Variants in CDK17 observed in about 807,000 individuals in gnomAD.
CDK17 encodes the protein cyclin dependent kinase 17.
Under a neutral mutation model 77.6 loss-of-function variants are expected in CDK17, and 24 were observed. The observed-to-expected ratio is 0.31, with a 90% CI of 0.22 to 0.44. The LOEUF (loss-of-function observed/expected upper bound fraction) is 0.44, where lower values mean the gene tolerates loss of function less well. Ranked by LOEUF, CDK17 falls within the 20% of genes least tolerant of loss-of-function variation. The pLI, the probability that CDK17 is intolerant of heterozygous loss-of-function variation, is 1.00. For synonymous variants in CDK17, 203 were observed against 210.4 expected, an observed-to-expected ratio of 0.96 and a Z score of 0.30; for missense variants, 429 against 622.5, an observed-to-expected ratio of 0.69 and a Z score of 3.31.
intron 1 of CDK17, among the ~76,000 whole-genome samples, chr12:96,385,263 A>C (rs1259996511): frequency 1.3e-5 from 2 of 152,052 alleles, no homozygotes; most frequent in African/African-American, 4.8e-5. Context: ...GCAGTGGGCC[A>C]AGATTGCGCC....
chr12:96,299,168 T>G (rs909288077), intron 6 of CDK17, among the ~76,000 whole-genome samples, 185 bp from the exon 7 acceptor site: 1 of 152,176 alleles, frequency 6.6e-6, no homozygotes, highest in East Asian at 1.9e-4. Flanking sequence ...TCAGTTCATA[T>G]GCACAGCTTC....
At chr12:96,293,404 T>C (rs1049168922) in intron 10 of CDK17, among the ~76,000 whole-genome samples, 1 of 152,188 alleles carries the variant, frequency 6.6e-6, no homozygotes, top group African/African-American at 2.4e-5. Flanking sequence ...TGTCGTGATA[T>C]GTTGCTTTGA....
At chr12:96,385,940 C>A (rs1953965720) in intron 1 of CDK17, among the ~76,000 whole-genome samples, 1 of 152,036 alleles carries the variant, frequency 6.6e-6, no homozygotes, top group Non-Finnish European at 1.5e-5. Context: ...ACTGCCAACT[C>A]CCGGTAAAAC....
At chr12:96,331,166 C>T (rs1176043596) in intron 2 of CDK17, among the ~76,000 whole-genome samples, 1 of 152,178 alleles carries the variant, frequency 6.6e-6, no homozygotes, top group Non-Finnish European at 1.5e-5. Flanking sequence ...TAGTCTAGAA[C>T]TCCTTACCTC....
chr12:96,326,745 C>A (rs914413346), intron 2 of CDK17, among the ~76,000 whole-genome samples: 1 of 152,156 alleles, frequency 6.6e-6, no homozygotes, highest in Admixed American at 6.5e-5. Context: ...AGGGATCACA[C>A]TTTGAGAACC....
In CDK17 at chr12:96,323,201, G is replaced by A. The variant is rs561168598; in HGVS notation, c.283+747C>T. ...TAATCCCAGCCCTCTGGGAGGCTGA[G>A]GCAAGTGGATCACTTGAGTCCAGGA... On this transcript the variant is annotated intron_variant, in intron 3 of 16. Transcript: ENST00000261211. Among the ~76,000 whole-genome samples the A allele has an allele frequency of 5.9e-5, 9 of 151,936 alleles. 1 individual carries two copies. The South Asian group carries it at 6.2e-4, about 11-fold the overall frequency.
chr12:96,312,155 T>C (rs1282196772), intron 4 of CDK17, among the ~76,000 whole-genome samples: 1 of 152,126 alleles, frequency 6.6e-6, no homozygotes, highest in Non-Finnish European at 1.5e-5. Flanking sequence ...GGTGTGTGCC[T>C]GTAGTCCCAG....
At chr12:96,294,731 T>G (rs1250438870) in intron 10 of CDK17, among the ~76,000 whole-genome samples, 1 of 151,988 alleles carries the variant, frequency 6.6e-6, no homozygotes, top group African/African-American at 2.4e-5. Flanking sequence ...TTTGGTAATA[T>G]ATTTACATTT....
At chr12:96,338,698 T>C (rs2137149913) in intron 1 of CDK17, among the ~76,000 whole-genome samples, 1 of 152,158 alleles carries the variant, frequency 6.6e-6, no homozygotes, top group South Asian at 2.1e-4. Flanking sequence ...GCCCTCAACA[T>C]GTTATTAATA....
chr12:96,297,354 C>T (rs779854161), intron 8 of CDK17, 22 bp from the exon 9 acceptor site: 3 of 1,485,164 alleles, frequency 2.0e-6, no homozygotes. Flanking sequence ...CAGCACTCTG[C>T]TATGTGATAC....
intron 2 of CDK17, among the ~76,000 whole-genome samples, chr12:96,331,271 C>T (rs1435897212): frequency 6.6e-6 from 1 of 152,104 alleles, no homozygotes; most frequent in East Asian, 1.9e-4. Context: ...AAAAACTGAA[C>T]ATTAAACACT....
At chr12:96,281,513 T>C (rs934765307) in intron 15 of CDK17, among the ~76,000 whole-genome samples, 3 of 152,106 alleles carry the variant, frequency 2.0e-5, no homozygotes, top group African/African-American at 7.2e-5. Context: ...GGATTACAGG[T>C]ACGCGCCACC....
chr12:96,390,819 A>G (rs1408785992), intron 1 of CDK17, among the ~76,000 whole-genome samples: 1 of 151,158 alleles, frequency 6.6e-6, no homozygotes, highest in Non-Finnish European at 1.5e-5. Flanking sequence ...ATTTAAAAAC[A>G]AGGCTGGGTG....
intron 1 of CDK17, among the ~76,000 whole-genome samples, chr12:96,390,244 C>T (rs1014786663): frequency 6.6e-6 from 1 of 151,296 alleles, no homozygotes; most frequent in Non-Finnish European, 1.5e-5. Context: ...CTCCACCTCC[C>T]AGGTTCGAGT....
intron 1 of CDK17, among the ~76,000 whole-genome samples, chr12:96,387,621 T>C (rs1364789686): frequency 6.6e-6 from 1 of 152,224 alleles, no homozygotes; most frequent in Non-Finnish European, 1.5e-5. Flanking sequence ...GGGTAAACTT[T>C]ATAACCAGTT....
chr12:96,299,757 C>G (rs1477724564), intron 6 of CDK17, among the ~76,000 whole-genome samples: 1 of 152,170 alleles, frequency 6.6e-6, no homozygotes, highest in Non-Finnish European at 1.5e-5. Context: ...CTTTAAAAAA[C>G]AAGGATCTCT....
At chr12:96,340,099 T>C (rs1371334071) in intron 1 of CDK17, among the ~76,000 whole-genome samples, 2 of 151,876 alleles carry the variant, frequency 1.3e-5, no homozygotes, top group African/African-American at 2.4e-5. Context: ...AATGCTGACA[T>C]AGAGCATTTT....
Position 96,280,182 on chromosome 12 carries a change from TTC to T in CDK17, c.*58_*59del, listed in dbSNP as rs1952157268. 2.0e-6 allele frequency: 3 copies of T among 1,520,298 alleles called. No individual in the cohort carries two copies. The East Asian group carries it at 7.4e-5, about 38-fold the overall frequency. 94.2% of individuals were successfully genotyped at this position (1,520,298 alleles called of 1,614,324 possible). On this transcript the variant is annotated 3_prime_UTR_variant, in exon 17 of 17. Transcript: ENST00000261211. ...CACCAAAAGAAATAATTGCCTTCAG[TTC>T]TGAGTCCTTGATTGGTAAGAAAGGC...
At chr12:96,375,061 A>T (rs1953756481) in intron 1 of CDK17, among the ~76,000 whole-genome samples, 1 of 152,198 alleles carries the variant, frequency 6.6e-6, no homozygotes, top group South Asian at 2.1e-4. Context: ...ACTCTCCCCA[A>T]TGTCTACTTC....
Sources: allele counts gnomAD v4.1 joint callset (sites outside exome capture counted in the v4.1 genomes callset), GRCh38; gene constraint gnomAD v4.1.1; transcripts MANE v1.5; gene names NCBI Gene and HGNC (gene_info 2026-07-23, HGNC 2026-07-21).